KCNK2: variants seen among roughly 807,000 people sequenced by gnomAD.
KCNK2 encodes potassium two pore domain channel subfamily K member 2, also known as potassium channel subfamily K member 2.
KCNK2 carries 21 observed loss-of-function variants against 40.5 expected under a neutral mutation model. The observed-to-expected ratio is 0.52, with a 90% CI of 0.37 to 0.75. The LOEUF (loss-of-function observed/expected upper bound fraction) is 0.75. KCNK2 is among the 30% of genes least tolerant of loss of function. The pLI is 0.00. For synonymous variants in KCNK2, 191 were observed against 202.2 expected (o/e 0.94, Z 0.47); for missense variants, 399 against 531.6 (o/e 0.75, Z 2.45).
chr1:215,224,098 A>G (rs960809349), intron 6 of KCNK2, among the ~76,000 whole-genome samples: 1 of 152,186 alleles, frequency 6.6e-6, no homozygotes, highest in African/African-American at 2.4e-5. Flanking sequence ...TGAAAATGAA[A>G]CGATGTCTAA....
At chr1:215,188,314 C>G (rs1309738941) in intron 5 of KCNK2, among the ~76,000 whole-genome samples, 1 of 151,990 alleles carries the variant, frequency 6.6e-6, no homozygotes, top group East Asian at 1.9e-4. Context: ...GCATATTTAC[C>G]TTTACTACAT....
chr1:215,127,081 T>A lies in KCNK2; in HGVS notation c.475+2331T>A, dbSNP rs566663252. On this transcript the variant is annotated intron_variant, in intron 3 of 6. Transcript: ENST00000444842. Reference sequence around the variant, plus strand: ...TGAACTTTGAAGTGATTTTTAGCAATCATAGAAATTATGACCTTTAGCAAT... The same window carrying A: ...TGAACTTTGAAGTGATTTTTAGCAAACATAGAAATTATGACCTTTAGCAAT... 3.3e-5 allele frequency among the ~76,000 whole-genome samples: 5 copies of A among 152,296 alleles called. No individual in the cohort carries two copies. In the South Asian group the frequency reaches 1.0e-3, roughly 32 times the overall value.
chr1:215,093,987 T>C (rs1216710863), intron 2 of KCNK2, among the ~76,000 whole-genome samples: 9 of 135,734 alleles, frequency 6.6e-5, no homozygotes, highest in Middle Eastern at 3.6e-3. Context: ...TTGTATATGG[T>C]TGGTGCAAAT....
Position 215,230,537 on chromosome 1 carries a change from A to G in KCNK2, c.964-4291A>G, listed in dbSNP as rs1350602224. 2.5e-4 allele frequency among the ~76,000 whole-genome samples: 25 copies of G among 99,056 alleles called. 2 individuals carry two copies. Among genetic ancestry groups the G allele is most frequent in the Middle Eastern group, 6.3e-3 (1 of 158 alleles). The allele number at this position is 99,056 out of a possible 152,430, so 65.0% of individuals were successfully genotyped here. ...TATATATATATATATATATATGTATATATATACACACACATAACAGCCATA... is the reference window on the plus strand; with the variant it reads ...TATATATATATATATATATATGTATGTATATACACACACATAACAGCCATA... On this transcript the variant is annotated intron_variant, in intron 6 of 6. Transcript: ENST00000444842.
intron 2 of KCNK2, among the ~76,000 whole-genome samples, chr1:215,093,440 T>C (rs1223284236): frequency 7.7e-6 from 1 of 129,522 alleles, no homozygotes; most frequent in African/African-American, 2.9e-5. Context: ...ACATATAATA[T>C]ACATATAATA....
intron 5 of KCNK2, among the ~76,000 whole-genome samples, chr1:215,192,534 G>A (rs1458936269): frequency 2.0e-5 from 3 of 152,170 alleles, no homozygotes; most frequent in African/African-American, 7.2e-5. Flanking sequence ...TGTGTTAAAT[G>A]AGTCACAAAT....
intron 1 of KCNK2, among the ~76,000 whole-genome samples, chr1:215,049,260 A>C (rs1332435911): frequency 6.6e-6 from 1 of 152,176 alleles, no homozygotes; most frequent in Non-Finnish European, 1.5e-5. Flanking sequence ...GAATGAAGTT[A>C]AACATATTTT....
chr1:215,219,053 T>C (rs1277611187), intron 6 of KCNK2, among the ~76,000 whole-genome samples: 1 of 152,238 alleles, frequency 6.6e-6, no homozygotes, highest in Non-Finnish European at 1.5e-5. Context: ...CCAATTCTGC[T>C]TCGTCATGCA....
intron 5 of KCNK2, among the ~76,000 whole-genome samples, chr1:215,175,053 A>C (rs980288464): frequency 3.3e-5 from 5 of 152,212 alleles, no homozygotes; most frequent in African/African-American, 1.2e-4. Flanking sequence ...GCCAGTTTTC[A>C]AAGGAAATGC....
intron 5 of KCNK2, among the ~76,000 whole-genome samples, chr1:215,182,377 G>A (rs568682687): frequency 7.2e-5 from 11 of 152,158 alleles, no homozygotes; most frequent in Admixed American, 2.0e-4. Context: ...GCATTGGGAA[G>A]CTTAGGCTGC....
At chr1:215,135,096 C>T (rs1383523779) in intron 3 of KCNK2, among the ~76,000 whole-genome samples, 1 of 152,112 alleles carries the variant, frequency 6.6e-6, no homozygotes, top group Non-Finnish European at 1.5e-5. Flanking sequence ...TAGCATTATA[C>T]TACAACTAAA....
At chr1:215,118,198 G>A (rs1278806437) in intron 2 of KCNK2, among the ~76,000 whole-genome samples, 1 of 152,010 alleles carries the variant, frequency 6.6e-6, no homozygotes, top group East Asian at 1.9e-4. Flanking sequence ...CACATCATCT[G>A]GAATAAGGTA....
At chr1:215,154,707 GT>G (rs879249607) in intron 3 of KCNK2, among the ~76,000 whole-genome samples, 1 of 152,048 alleles carries the variant, frequency 6.6e-6, no homozygotes, top group African/African-American at 2.4e-5. Flanking sequence ...GGTTTTTATG[GT>G]TTTTGGTCTT....
At chr1:215,042,037 A>G (rs756295455) in intron 1 of KCNK2, among the ~76,000 whole-genome samples, 1 of 152,150 alleles carries the variant, frequency 6.6e-6, no homozygotes, top group African/African-American at 2.4e-5. Context: ...ATCAGATCTC[A>G]TGAGACTTAT....
At chr1:215,040,107 A>G (rs1304200387) in intron 1 of KCNK2, among the ~76,000 whole-genome samples, 1 of 152,172 alleles carries the variant, frequency 6.6e-6, no homozygotes, top group East Asian at 1.9e-4. Flanking sequence ...ATTACATTAC[A>G]GTGACACCAT....
Position 215,230,526 on chromosome 1 carries a change from T to TATATACACATAACAGCC in KCNK2, c.964-4297_964-4296insCACATAACAGCCATATA, listed in dbSNP as rs1351325032. The stretch of plus-strand genomic sequence containing the variant: ...ACGGCTGTATATATATATATATATA[T>TATATACACATAACAGCC]ATATATGTATATATATACACACACA... On this transcript the variant is annotated intron_variant, in intron 6 of 6. Transcript: ENST00000444842. Among the ~76,000 whole-genome samples the TATATACACATAACAGCC allele has an allele frequency of 1.6e-3, 145 of 90,034 alleles. 2 individuals carry two copies. Among genetic ancestry groups the TATATACACATAACAGCC allele is most frequent in the East Asian group, 2.5e-3 (7 of 2,832 alleles). 59.1% of individuals were successfully genotyped at this position (90,034 alleles called of 152,430 possible). A position where few individuals can be genotyped will look rare whatever the true frequency, so the allele number is the denominator to read the frequency against.
Position 215,236,487 on chromosome 1 carries a change from T to TA in KCNK2, c.*1343dup, listed in dbSNP as rs1373417031. On this transcript the variant is annotated 3_prime_UTR_variant, in exon 7 of 7. Transcript: ENST00000444842. The stretch of plus-strand genomic sequence containing the variant: ...TCTCTGACATTAGAGAAAAAGCTGT[T>TA]ATAGCACAATTTAAATTTTGAGAGT... 1 of 152,542 alleles carries TA rather than the reference T, an allele frequency of 6.6e-6. No individual in the cohort carries two copies. The highest frequency in any genetic ancestry group is 1.5e-5 in the Non-Finnish European group (1 of 68,010). 9.4% of individuals were successfully genotyped at this position (152,542 alleles called of 1,614,324 possible). A position where few individuals can be genotyped will look rare whatever the true frequency, so the allele number is the denominator to read the frequency against.
intron 1 of KCNK2, among the ~76,000 whole-genome samples, chr1:215,033,643 T>A (rs1283980036): frequency 2.6e-5 from 4 of 152,072 alleles, no homozygotes; most frequent in Non-Finnish European, 5.9e-5. Context: ...CCCACCCCAT[T>A]AGATGGGACA....
chr1:215,086,618 G>A lies in KCNK2; in HGVS notation c.297G>A (p.Lys99=), dbSNP rs1220427073. 3 of 1,614,070 alleles carry A rather than the reference G, an allele frequency of 1.9e-6. No homozygotes were observed. The African/African-American group carries it at 4.0e-5, about 22-fold the overall frequency. Residue 99 remains lysine (K), a synonymous_variant, in exon 2 of 7, where the codon AAG becomes AAA. Coordinates refer to ENST00000444842, the MANE Select transcript of KCNK2 (RefSeq NM_001017425.3). ...ISQRTTIVIQ[K]QTFISQHSCV... is the part of the protein sequence containing the mutation. ...AGAGGACCACCATTGTGATCCAGAAGCAAACATTCATATCCCAACATTCCT... is the reference window on the plus strand; with the variant it reads ...AGAGGACCACCATTGTGATCCAGAAACAAACATTCATATCCCAACATTCCT...
Sources: gnomAD v4.1 joint callset for allele counts (sites outside exome capture counted in the v4.1 genomes callset) on GRCh38, gnomAD v4.1.1 for gene constraint, MANE v1.5 for transcripts, NCBI Gene and HGNC (gene_info 2026-07-23, HGNC 2026-07-21) for gene names.